The following FILIP1L variants were observed in gnomAD, a reference collection of about 807,000 sequenced individuals.
FILIP1L encodes filamin A interacting protein 1 like.
Under a neutral mutation model 96.6 loss-of-function variants are expected in FILIP1L, and 55 were observed. The observed-to-expected ratio is 0.57, with a 90% confidence interval of 0.46 to 0.71. The LOEUF (loss-of-function observed/expected upper bound fraction) is 0.71. FILIP1L is among the 30% of genes least tolerant of loss of function. The probability of loss-of-function intolerance (pLI) is 0.00; values close to 1 mark genes in which losing one functional copy is unlikely to be tolerated. For synonymous variants in FILIP1L, 467 were observed against 473.9 expected (o/e 0.99, Z 0.19); for missense variants, 1,304 against 1,321.2 (o/e 0.99, Z 0.20).
chr3:100,043,093 G>A (rs2065230845), intron 1 of FILIP1L, among the ~76,000 whole-genome samples: 1 of 152,206 alleles, frequency 6.6e-6, no homozygotes, highest in South Asian at 2.1e-4. Context: ...AGCAGGGAAT[G>A]TTTTTTGAAT....
chr3:99,854,448 A>G (rs1943854797), intron 4 of FILIP1L, among the ~76,000 whole-genome samples: 1 of 152,166 alleles, frequency 6.6e-6, no homozygotes, highest in Admixed American at 6.5e-5. Flanking sequence ...CAGATCTAAA[A>G]TTCATTCCCT....
chr3:99,941,177 C>T (rs890902762), intron 1 of FILIP1L, among the ~76,000 whole-genome samples: 1 of 152,092 alleles, frequency 6.6e-6, no homozygotes, highest in Non-Finnish European at 1.5e-5. Context: ...TTCATTCTTC[C>T]TATTCCTTAC....
intron 1 of FILIP1L, among the ~76,000 whole-genome samples, chr3:100,076,651 A>G (rs918684159): frequency 6.6e-6 from 1 of 152,170 alleles, no homozygotes; most frequent in East Asian, 1.9e-4. Context: ...CTCACTGTGT[A>G]CTTTACTGTT....
Position 99,849,935 on chromosome 3 carries a change from G to A in FILIP1L, c.1741C>T (p.Leu581Phe), listed in dbSNP as rs368624908. The A allele has an allele frequency of 2.0e-5, 33 of 1,612,830 alleles. No homozygotes were observed. The highest frequency in any genetic ancestry group is 6.7e-5 in the Admixed American group (4 of 59,876). ...TTCAACATATTAACTCTTGACAGGA[G>A]ATCATTTCCTTTCTCTTCTTCCGCT... is the stretch of plus-strand genomic sequence containing the variant. ...LKAEEEKGNDLLSRVNMLKNR... is the reference protein window; with the variant it reads ...LKAEEEKGNDFLSRVNMLKNR... Residue 581 changes from leucine (L) to phenylalanine (F), a missense_variant, in exon 5 of 6, where the codon CTC becomes TTC. Coordinates refer to ENST00000477258, the MANE Select transcript of FILIP1L (RefSeq NM_001387850.1).
At chr3:100,050,722 G>T (rs2065356934) in intron 1 of FILIP1L, among the ~76,000 whole-genome samples, 2 of 152,056 alleles carry the variant, frequency 1.3e-5, no homozygotes. Context: ...TACAGATGGG[G>T]TTTCACCATG....
At chr3:99,904,389 T>C (rs895138987) in intron 4 of FILIP1L, among the ~76,000 whole-genome samples, 1 of 152,196 alleles carries the variant, frequency 6.6e-6, no homozygotes, top group African/African-American at 2.4e-5. Flanking sequence ...TGGCAAAAAT[T>C]TATTTGGTTT....
rs866193902 is a variant in FILIP1L, at chr3:99,983,494, A to G, written c.-10-52464T>C. 3.0e-3 allele frequency among the ~76,000 whole-genome samples: 359 copies of G among 118,978 alleles called. 15 individuals are homozygous for G. The highest frequency in any genetic ancestry group is 9.3e-3 in the African/African-American group (282 of 30,312). 78.1% of individuals were successfully genotyped at this position (118,978 alleles called of 152,430 possible). A position where few individuals can be genotyped will look rare whatever the true frequency, so the allele number is the denominator to read the frequency against. On this transcript the variant is annotated intron_variant, in intron 1 of 5. Transcript: ENST00000477258. ...TATATATATATATATATATATATATATATATATATATATATGTATATATAT... is the reference window on the plus strand; with the variant it reads ...TATATATATATATATATATATATATGTATATATATATATATGTATATATAT...
chr3:99,976,851 C>G (rs539377032), intron 1 of FILIP1L, among the ~76,000 whole-genome samples: 2 of 152,094 alleles, frequency 1.3e-5, no homozygotes, highest in South Asian at 4.2e-4. Context: ...GTTCTTTCCT[C>G]CTGTTCAGTT....
intron 1 of FILIP1L, among the ~76,000 whole-genome samples, chr3:99,938,891 A>G (rs578235855): frequency 5.3e-5 from 8 of 152,214 alleles, no homozygotes; most frequent in Non-Finnish European, 1.2e-4. Flanking sequence ...CACTAAACTC[A>G]GCCAGCTGCA....
intron 1 of FILIP1L, among the ~76,000 whole-genome samples, chr3:99,959,350 A>G (rs1708428008): frequency 6.6e-6 from 1 of 152,218 alleles, no homozygotes. Flanking sequence ...GGGTTTCGCC[A>G]TGCTGGCCAG....
intron 1 of FILIP1L, among the ~76,000 whole-genome samples, chr3:99,990,863 G>C (rs1321832023): frequency 6.6e-6 from 1 of 152,168 alleles, no homozygotes; most frequent in Non-Finnish European, 1.5e-5. Context: ...TTCTCCAACA[G>C]ATAAATATTT....
chr3:99,877,381 G>A (rs1000772654), intron 4 of FILIP1L, among the ~76,000 whole-genome samples: 1 of 152,172 alleles, frequency 6.6e-6, no homozygotes. Context: ...AGTGGAGAAA[G>A]GATGTTTGCA....
chr3:100,093,611 A>G (rs1261265808), intron 1 of FILIP1L, among the ~76,000 whole-genome samples: 1 of 152,164 alleles, frequency 6.6e-6, no homozygotes, highest in African/African-American at 2.4e-5. Context: ...GAATGTCACA[A>G]CCAGTATATT....
intron 5 of FILIP1L, among the ~76,000 whole-genome samples, chr3:99,839,119 T>C (rs916341186): frequency 3.3e-5 from 5 of 152,152 alleles, no homozygotes; most frequent in African/African-American, 1.2e-4. Flanking sequence ...CCCCATCCTG[T>C]ATCCCCTGCT....
intron 1 of FILIP1L, among the ~76,000 whole-genome samples, chr3:100,073,559 G>T (rs1346082153): frequency 6.6e-6 from 1 of 152,134 alleles, no homozygotes. Context: ...AAGGAACTTG[G>T]GTCCAGGATG....
rs531931375 is a variant in FILIP1L at position 99,964,040 on chromosome 3, A to G, written c.-10-33010T>C. 2.6e-5 allele frequency among the ~76,000 whole-genome samples: 4 copies of G among 152,218 alleles called. No individual in the cohort carries two copies. The South Asian group carries it at 6.2e-4, about 24-fold the overall frequency. On this transcript the variant is annotated intron_variant, in intron 1 of 5. Coordinates refer to ENST00000477258, the MANE Select transcript of FILIP1L (RefSeq NM_001387850.1). Reference sequence around the variant, plus strand: ...ACATGACTTTATAATCTTCAAGCCCATGTTTGAATATTTGAACATAATAAT... The same window carrying G: ...ACATGACTTTATAATCTTCAAGCCCGTGTTTGAATATTTGAACATAATAAT...
intron 1 of FILIP1L, among the ~76,000 whole-genome samples, chr3:99,969,805 T>G (rs1216082234): frequency 6.6e-6 from 1 of 152,162 alleles, no homozygotes; most frequent in Non-Finnish European, 1.5e-5. Context: ...TTGGATGGCT[T>G]GTCTAGATGG....
At chr3:100,103,525 A>G (rs1322747841) in intron 1 of FILIP1L, among the ~76,000 whole-genome samples, 1 of 152,226 alleles carries the variant, frequency 6.6e-6, no homozygotes, top group Non-Finnish European at 1.5e-5. Flanking sequence ...AACTTGAATC[A>G]GGTTTTTTCT....
chr3:99,911,098 A>C (rs1013787320), intron 4 of FILIP1L, among the ~76,000 whole-genome samples: 1 of 152,122 alleles, frequency 6.6e-6, no homozygotes, highest in Non-Finnish European at 1.5e-5. Flanking sequence ...GGGATTAGGT[A>C]GCGCATTACA....
Sources: gnomAD v4.1 joint callset for allele counts (sites outside exome capture counted in the v4.1 genomes callset) on GRCh38, gnomAD v4.1.1 for gene constraint, MANE v1.5 for transcripts, NCBI Gene and HGNC (gene_info 2026-07-23, HGNC 2026-07-21) for gene names.